Variants in KCNIP4 observed in about 807,000 individuals in gnomAD.
KCNIP4 encodes the protein potassium voltage-gated channel interacting protein 4.
A neutral mutation model predicts 34.0 loss-of-function variants in KCNIP4; 12 were observed. The ratio of observed to expected loss-of-function variants is 0.35; its 90% CI spans 0.23 to 0.57. The LOEUF (loss-of-function observed/expected upper bound fraction) is 0.57. Among genes scored for constraint, KCNIP4 ranks in the 20% least tolerant of loss-of-function variants. The pLI is 0.83. For missense variants in KCNIP4, 238 were observed against 311.7 expected (o/e 0.76, Z 1.78); for synonymous variants, 124 against 102.2 (o/e 1.21, Z -1.29).
At chr4:21,333,092 T>G (rs1395637117) in intron 1 of KCNIP4, among the ~76,000 whole-genome samples, 1 of 152,060 alleles carries the variant, frequency 6.6e-6, no homozygotes, top group Non-Finnish European at 1.5e-5. Flanking sequence ...TCATATTATC[T>G]GGTCATGCTC....
intron 1 of KCNIP4, among the ~76,000 whole-genome samples, chr4:21,543,254 C>T (rs765107403): frequency 1.3e-5 from 2 of 152,066 alleles, no homozygotes; most frequent in Non-Finnish European, 2.9e-5. Context: ...ACCAGGAAAA[C>T]TATCACACAG....
At chr4:20,841,924 T>C (rs1374776423) in intron 3 of KCNIP4, among the ~76,000 whole-genome samples, 2 of 152,134 alleles carry the variant, frequency 1.3e-5, no homozygotes, top group African/African-American at 2.4e-5. Flanking sequence ...TACCTTCCCA[T>C]GGCCGTGCCC....
At chr4:21,902,979 G>A (rs2108970422) in intron 1 of KCNIP4, among the ~76,000 whole-genome samples, 1 of 152,184 alleles carries the variant, frequency 6.6e-6, no homozygotes, top group East Asian at 1.9e-4. Context: ...TGGAGGGAGA[G>A]GGTATGAAAT....
intron 1 of KCNIP4, among the ~76,000 whole-genome samples, chr4:21,319,931 A>G (rs1476132681): frequency 6.6e-6 from 1 of 152,208 alleles, no homozygotes; most frequent in Admixed American, 6.5e-5. Context: ...GTGTTTTGCA[A>G]ATAGAAAAGG....
chr4:20,937,132 G>A (rs564880256), intron 1 of KCNIP4, among the ~76,000 whole-genome samples: 1 of 151,272 alleles, frequency 6.6e-6, no homozygotes, highest in South Asian at 2.1e-4. Flanking sequence ...TTTGACCACT[G>A]CTGTGACTTG....
intron 1 of KCNIP4, among the ~76,000 whole-genome samples, chr4:21,120,254 A>G (rs1253654653): frequency 1.3e-5 from 2 of 152,228 alleles, no homozygotes; most frequent in Non-Finnish European, 2.9e-5. Context: ...TAGGGCTGCC[A>G]TAGCAAATAT....
intron 1 of KCNIP4, among the ~76,000 whole-genome samples, chr4:21,519,686 ATATACACACGTGTGTGTATGTATGTG>A (rs1560480648): frequency 3.0e-4 from 41 of 135,776 alleles, no homozygotes; most frequent in African/African-American, 1.1e-3. Flanking sequence ...ATGTATGTGT[ATATACACACGTGTGTGTATGTATGTG>A]TATATATACA....
chr4:21,107,622 A>G (rs28803182), intron 1 of KCNIP4, among the ~76,000 whole-genome samples: 38,591 of 145,286 alleles, frequency 0.27, 5,854 homozygotes, highest in African/African-American at 0.38. Context: ...ATTGTTATGT[A>G]TGAATTTGAT....
intron 1 of KCNIP4, among the ~76,000 whole-genome samples, chr4:21,265,506 G>A (rs183537092): frequency 2.0e-5 from 3 of 152,268 alleles, no homozygotes; most frequent in East Asian, 1.9e-4. Context: ...TCCACTTACC[G>A]AGTTGCCAGA....
At chr4:20,863,233 TG>T (rs1203984384) in intron 2 of KCNIP4, among the ~76,000 whole-genome samples, 1 of 151,608 alleles carries the variant, frequency 6.6e-6, no homozygotes, top group African/African-American at 2.4e-5. Context: ...GCTCAGGAGG[TG>T]GGGAGTGCTG....
At chr4:21,538,368 G>C (rs1737397180) in intron 1 of KCNIP4, among the ~76,000 whole-genome samples, 1 of 152,062 alleles carries the variant, frequency 6.6e-6, no homozygotes, top group Non-Finnish European at 1.5e-5. Flanking sequence ...CACATGCAAG[G>C]TGCTATGCTC....
intron 5 of KCNIP4, 53 bp from the exon 6 acceptor site, chr4:20,734,788 C>CA (rs370525081): frequency 3.0e-4 from 280 of 919,064 alleles, no homozygotes; most frequent in East Asian, 9.6e-4. Flanking sequence ...AAAACAAAAA[C>CA]AAAAAAAACA....
chr4:21,616,883 T>C (rs1490149064), intron 1 of KCNIP4, among the ~76,000 whole-genome samples: 3 of 152,194 alleles, frequency 2.0e-5, no homozygotes, highest in Non-Finnish European at 2.9e-5. Context: ...ATAAATAAGA[T>C]TACATCTTGA....
At chr4:20,963,550 T>C (rs1433134935) in intron 1 of KCNIP4, among the ~76,000 whole-genome samples, 2 of 152,082 alleles carry the variant, frequency 1.3e-5, no homozygotes, top group Non-Finnish European at 2.9e-5. Context: ...GTGCTATGTG[T>C]ACTATGGATT....
chr4:21,073,047 A>T (rs1184876459), intron 1 of KCNIP4, among the ~76,000 whole-genome samples: 1 of 152,166 alleles, frequency 6.6e-6, no homozygotes, highest in Non-Finnish European at 1.5e-5. Context: ...TAGTTGCTGT[A>T]GCCTTGTAGT....
intron 1 of KCNIP4, among the ~76,000 whole-genome samples, chr4:21,853,651 G>A (rs1724558524): frequency 1.3e-5 from 2 of 152,120 alleles, no homozygotes; most frequent in Admixed American, 1.3e-4. Flanking sequence ...TTCAGATCAT[G>A]CAAAAGTTAC....
At chr4:21,275,033 T>C (rs576295097) in intron 1 of KCNIP4, among the ~76,000 whole-genome samples, 3 of 152,274 alleles carry the variant, frequency 2.0e-5, no homozygotes, top group Admixed American at 6.5e-5. Context: ...ATATAGCTAA[T>C]TCTGGGCCCT....
intron 1 of KCNIP4, among the ~76,000 whole-genome samples, chr4:21,188,184 C>A (rs1173967946): frequency 1.3e-5 from 2 of 152,234 alleles, no homozygotes; most frequent in East Asian, 1.9e-4. Context: ...GACAACATTG[C>A]TCCAAAGAGT....
intron 1 of KCNIP4, among the ~76,000 whole-genome samples, chr4:20,908,473 G>T (rs1728011995): frequency 6.6e-6 from 1 of 152,168 alleles, no homozygotes. Flanking sequence ...TAACTATGCT[G>T]AAAATTCATT....
Sources: gnomAD v4.1 joint callset for allele counts (sites outside exome capture counted in the v4.1 genomes callset) on GRCh38, gnomAD v4.1.1 for gene constraint, MANE v1.5 for transcripts, NCBI Gene and HGNC (gene_info 2026-07-23, HGNC 2026-07-21) for gene names.